The following CHSY3 variants were observed in gnomAD, a reference collection of about 807,000 sequenced individuals.
The protein encoded by CHSY3 is chondroitin sulfate synthase 3.
A neutral mutation model predicts 67.2 loss-of-function variants in CHSY3; 35 were observed. That is an observed-to-expected ratio of 0.52 (90% CI 0.40 to 0.69). The LOEUF is 0.69. CHSY3 is among the 30% of genes least tolerant of loss of function. The probability of loss-of-function intolerance (pLI) is 0.00; values close to 1 mark genes in which losing one functional copy is unlikely to be tolerated. For synonymous variants in CHSY3, 474 were observed against 434.7 expected (o/e 1.09, Z -1.12); for missense variants, 1,069 against 1,138.5 (o/e 0.94, Z 0.88).
intron 2 of CHSY3, among the ~76,000 whole-genome samples, chr5:130,110,160 G>T (rs56000700): frequency 1.8e-3 from 270 of 151,906 alleles, no homozygotes; most frequent in African/African-American, 6.3e-3. Flanking sequence ...GTATGCTCTA[G>T]AACCTTGTTT....
intron 2 of CHSY3, among the ~76,000 whole-genome samples, chr5:130,128,253 T>TGTGTGTGTGTGC (rs760472284): frequency 0.034 from 5,108 of 150,992 alleles, 253 homozygotes; most frequent in East Asian, 0.23. Flanking sequence ...TGTGTGTGTG[T>TGTGTGTGTGTGC]GCGCTCACAT....
At chr5:130,146,919 C>T (rs1769091518) in intron 2 of CHSY3, among the ~76,000 whole-genome samples, 1 of 151,994 alleles carries the variant, frequency 6.6e-6, no homozygotes, top group African/African-American at 2.4e-5. Flanking sequence ...TCAGCTTCCC[C>T]AGTAGCTGGG....
rs1393726491 is a variant in CHSY3 at position 129,921,466 on chromosome 5, C to G, written c.1086+13106C>G. On this transcript the variant is annotated intron_variant, in intron 2 of 2. Coordinates refer to ENST00000305031, the MANE Select transcript of CHSY3 (RefSeq NM_175856.5). Reference sequence around the variant, plus strand: ...TCAAGATTTTATCACTCTATCAGAACAGTGTGCAATTTAAAACATATAATT... The same window carrying G: ...TCAAGATTTTATCACTCTATCAGAAGAGTGTGCAATTTAAAACATATAATT... 2.6e-5 allele frequency among the ~76,000 whole-genome samples: 4 copies of G among 152,254 alleles called. No homozygotes were observed. In the South Asian group the frequency reaches 6.2e-4, roughly 24 times the overall value.
chr5:129,919,634 C>T (rs879551105), intron 2 of CHSY3, among the ~76,000 whole-genome samples: 5 of 152,228 alleles, frequency 3.3e-5, no homozygotes, highest in African/African-American at 1.2e-4. Context: ...ACCATGAGAA[C>T]AGTATGAGGG....
In CHSY3 at chr5:129,933,383, C is replaced by T. The variant is rs75387380; in HGVS notation, c.1086+25023C>T. Among the ~76,000 whole-genome samples, 905 of 152,214 alleles carry T rather than the reference C, an allele frequency of 5.9e-3. 7 individuals are homozygous for T. Among genetic ancestry groups the T allele is most frequent in the African/African-American group, 0.021 (871 of 41,544 alleles). ...CTCTTTCAATTCATGTTTGTCCAAC[C>T]CCTTTCCTTGGAAATACACAAGCAG... On this transcript the variant is annotated intron_variant, in intron 2 of 2. Transcript: ENST00000305031.
chr5:129,995,551 C>T (rs1418427272), intron 2 of CHSY3, among the ~76,000 whole-genome samples: 2 of 150,782 alleles, frequency 1.3e-5, no homozygotes, highest in Non-Finnish European at 3.0e-5. Flanking sequence ...CTCTGTTGCC[C>T]AGGCTGGAGT....
intron 2 of CHSY3, among the ~76,000 whole-genome samples, chr5:129,979,968 T>C (rs1030982229): frequency 1.3e-5 from 2 of 152,238 alleles, no homozygotes; most frequent in Non-Finnish European, 2.9e-5. Context: ...ATTTCCCTGA[T>C]ATATACCTCA....
At chr5:130,036,642 G>A (rs974505042) in intron 2 of CHSY3, among the ~76,000 whole-genome samples, 1 of 152,130 alleles carries the variant, frequency 6.6e-6, no homozygotes, top group Non-Finnish European at 1.5e-5. Context: ...AGTCCTGCCA[G>A]GCTCCAGCTG....
At chr5:129,947,730 T>G (rs1326596286) in intron 2 of CHSY3, among the ~76,000 whole-genome samples, 1 of 152,192 alleles carries the variant, frequency 6.6e-6, no homozygotes, top group Non-Finnish European at 1.5e-5. Context: ...ATTTACATTC[T>G]TTCTATCAGT....
chr5:130,018,653 G>A (rs1764279179), intron 2 of CHSY3, among the ~76,000 whole-genome samples: 1 of 152,184 alleles, frequency 6.6e-6, no homozygotes, highest in Non-Finnish European at 1.5e-5. Context: ...CCTTGTCGAT[G>A]TATTGTGGCT....
rs1276323350 is a variant in CHSY3 at position 129,944,283 on chromosome 5, A to C, written c.1086+35923A>C. The stretch of plus-strand genomic sequence containing the variant: ...ACTAGTTGTTCTAGACTGGTAATGC[A>C]AGGTATCCAGAAAGAGATCAGTTTT... On this transcript the variant is annotated intron_variant, in intron 2 of 2. Transcript: ENST00000305031. Among the ~76,000 whole-genome samples the C allele has an allele frequency of 2.0e-5, 3 of 152,340 alleles. No individual in the cohort carries two copies. The East Asian group carries it at 5.8e-4, about 29-fold the overall frequency.
chr5:130,052,051 GTA>G, intron 2 of CHSY3: 1 of 152,140 alleles, frequency 6.6e-6, no homozygotes, highest in South Asian at 2.1e-4. Flanking sequence ...TTCTCTGGGT[GTA>G]TCTGCATCAT....
At chr5:129,954,608 C>A (rs1011798287) in intron 2 of CHSY3, among the ~76,000 whole-genome samples, 1 of 152,074 alleles carries the variant, frequency 6.6e-6, no homozygotes, top group Admixed American at 6.6e-5. Flanking sequence ...TTCTTCCTAT[C>A]CATGAGCATG....
At chr5:130,158,264 A>C (rs1216762070) in intron 2 of CHSY3, among the ~76,000 whole-genome samples, 3 of 152,148 alleles carry the variant, frequency 2.0e-5, no homozygotes, top group African/African-American at 7.2e-5. Flanking sequence ...GTTCACAAAC[A>C]CCTCTGACAA....
chr5:130,130,122 A>G (rs1768432883), intron 2 of CHSY3, among the ~76,000 whole-genome samples: 1 of 152,188 alleles, frequency 6.6e-6, no homozygotes, highest in Non-Finnish European at 1.5e-5. Flanking sequence ...GTCAGAGTTT[A>G]TAGACAAATG....
At chr5:130,145,978 GCAA>G (rs1214854906) in intron 2 of CHSY3, among the ~76,000 whole-genome samples, 1 of 152,044 alleles carries the variant, frequency 6.6e-6, no homozygotes, top group Non-Finnish European at 1.5e-5. Context: ...TGGAGAAAAG[GCAA>G]CATTTGCACA....
rs565335037 is a variant in CHSY3, at chr5:130,038,780, T to C, written c.1086+130420T>C. On this transcript the variant is annotated intron_variant, in intron 2 of 2. Coordinates refer to ENST00000305031, the MANE Select transcript of CHSY3 (RefSeq NM_175856.5). ...TTTATCTGCACTGCACTACAAAATA[T>C]GTGTATTTTTATTGTTATTAAGGGT... Among the ~76,000 whole-genome samples, 6 of 152,200 alleles carry C rather than the reference T, an allele frequency of 3.9e-5. No individual in the cohort carries two copies. In the East Asian group the frequency reaches 1.2e-3, roughly 29 times the overall value.
intron 2 of CHSY3, among the ~76,000 whole-genome samples, chr5:130,164,614 A>G (rs1210341180): frequency 6.6e-6 from 1 of 152,192 alleles, no homozygotes; most frequent in Non-Finnish European, 1.5e-5. Context: ...CTGAAAATCT[A>G]GAATCCATTC....
rs1760250900 is a variant in CHSY3 at position 129,905,577 on chromosome 5, T to C, written c.748T>C (p.Tyr250His). The change falls in exon 1 of 3, where the codon TAC (tyrosine) becomes CAC (histidine). Residue 250 changes from tyrosine to histidine, a missense_variant. Transcript: ENST00000305031. ...GATGATCAAGTACATGCACGACCAC[T>C]ACCTGGACAAGTATGAGTGGTTCAT... ...FMMIKYMHDH[Y>H]LDKYEWFMRA... 1 of 1,613,650 alleles carries C rather than the reference T, an allele frequency of 6.2e-7. No individual in the cohort carries two copies. The highest frequency in any genetic ancestry group is 8.5e-7 in the Non-Finnish European group (1 of 1,180,024).
Sources: allele counts gnomAD v4.1 joint callset (sites outside exome capture counted in the v4.1 genomes callset), GRCh38; gene constraint gnomAD v4.1.1; transcripts MANE v1.5; gene names NCBI Gene and HGNC (gene_info 2026-07-23, HGNC 2026-07-21).